ESRRG: variants seen among roughly 807,000 people sequenced by gnomAD.
ESRRG encodes the protein estrogen-related receptor gamma.
In ESRRG, 13 loss-of-function variants were observed where a neutral mutation model predicts 44.0. The ratio of observed to expected loss-of-function variants is 0.30; its 90% confidence interval spans 0.19 to 0.47. The LOEUF (loss-of-function observed/expected upper bound fraction) is 0.47, where lower values mean the gene tolerates loss of function less well. ESRRG is among the 20% of genes least tolerant of loss of function. The pLI is 1.00. For missense variants in ESRRG, 395 were observed against 580.6 expected (o/e 0.68, Z 3.29); for synonymous variants, 215 against 214.6 (o/e 1.00, Z -0.02).
chr1:216,622,543 T>C (rs2062417029), intron 3 of ESRRG, among the ~76,000 whole-genome samples: 1 of 152,038 alleles, frequency 6.6e-6, no homozygotes, highest in South Asian at 2.1e-4. Flanking sequence ...TTGTTTACTA[T>C]GATATTAAGA....
chr1:217,093,776 CCT>C (rs1280530983), upstream of ESRRG, among the ~76,000 whole-genome samples: 2 of 150,454 alleles, frequency 1.3e-5, no homozygotes, highest in Admixed American at 6.6e-5. Context: ...GAGTGAGACC[CCT>C]GTCTCAAAAA....
At chr1:216,735,987 A>AAAAAATATAT (rs1453476198) in intron 2 of ESRRG, among the ~76,000 whole-genome samples, 91 of 137,114 alleles carry the variant, frequency 6.6e-4, no homozygotes, top group African/African-American at 2.1e-3. Flanking sequence ...CTCAAAAAAA[A>AAAAAATATAT]ATATATATAT....
intron 2 of ESRRG, among the ~76,000 whole-genome samples, chr1:216,779,158 AAAAT>A (rs1378513007): frequency 1.1e-4 from 10 of 93,390 alleles, no homozygotes; most frequent in African/African-American, 3.9e-4. Flanking sequence ...ATATATATAT[AAAAT>A]AAATATATAT....
chr1:216,631,654 T>A (rs1270310715), intron 3 of ESRRG, among the ~76,000 whole-genome samples: 1 of 152,122 alleles, frequency 6.6e-6, no homozygotes, highest in Non-Finnish European at 1.5e-5. Context: ...TGTACGTATA[T>A]AAGTATATAT....
intron 2 of ESRRG, among the ~76,000 whole-genome samples, chr1:216,932,341 G>A (rs2063479758): frequency 6.6e-6 from 1 of 151,988 alleles, no homozygotes; most frequent in South Asian, 2.1e-4. Context: ...AAAAAAAATT[G>A]GCAAGGCAGT....
At chr1:216,703,255 T>C (rs1375685599) in intron 1 of ESRRG, among the ~76,000 whole-genome samples, 2 of 152,108 alleles carry the variant, frequency 1.3e-5, no homozygotes, top group South Asian at 2.1e-4. Flanking sequence ...AAAAGAATTG[T>C]CTTGGGCCAC....
chr1:216,834,505 A>C (rs2095533911), intron 2 of ESRRG, among the ~76,000 whole-genome samples: 1 of 152,214 alleles, frequency 6.6e-6, no homozygotes. Context: ...TTTTTAAAAG[A>C]TGACTTAGGT....
upstream of ESRRG, among the ~76,000 whole-genome samples, chr1:216,724,688 A>T (rs2087122614): frequency 4.6e-5 from 7 of 152,196 alleles, no homozygotes; most frequent in Admixed American, 4.6e-4. Context: ...AAATAAAAAT[A>T]AAAGGAGGAT....
At chr1:216,591,621 GT>G (rs1023055196) in intron 3 of ESRRG, among the ~76,000 whole-genome samples, 1 of 152,164 alleles carries the variant, frequency 6.6e-6, no homozygotes, top group African/African-American at 2.4e-5. Flanking sequence ...TGACACTGAG[GT>G]TGTGGCATGG....
At chr1:216,568,859 A>G (rs2149609983) in intron 3 of ESRRG, among the ~76,000 whole-genome samples, 1 of 152,196 alleles carries the variant, frequency 6.6e-6, no homozygotes, top group Non-Finnish European at 1.5e-5. Context: ...GTTTGAGACC[A>G]GACCAACCAA....
At chr1:217,082,042 C>G (rs186472879) in intron 1 of ESRRG, among the ~76,000 whole-genome samples, 1 of 152,206 alleles carries the variant, frequency 6.6e-6, no homozygotes, top group South Asian at 2.1e-4. Context: ...GCACTGCATA[C>G]GTGAGAATTG....
At chr1:216,552,518 C>G (rs1184250822) in intron 5 of ESRRG, among the ~76,000 whole-genome samples, 2 of 152,120 alleles carry the variant, frequency 1.3e-5, no homozygotes, top group East Asian at 1.9e-4. Flanking sequence ...AAAGATTAGA[C>G]TGGGCACTTG....
At chr1:217,020,539 A>G (rs2080128076) in intron 1 of ESRRG, among the ~76,000 whole-genome samples, 1 of 152,210 alleles carries the variant, frequency 6.6e-6, no homozygotes, top group African/African-American at 2.4e-5. Context: ...GAAATGGAGA[A>G]ATGACCAGTA....
chr1:216,832,743 C>A (rs1178715899), intron 2 of ESRRG, among the ~76,000 whole-genome samples: 1 of 152,144 alleles, frequency 6.6e-6, no homozygotes, highest in Admixed American at 6.5e-5. Context: ...GCAGGTGGAT[C>A]ACCTGGGGTC....
intron 2 of ESRRG, among the ~76,000 whole-genome samples, chr1:216,834,404 T>C (rs912127346): frequency 1.3e-5 from 2 of 151,998 alleles, no homozygotes; most frequent in Non-Finnish European, 2.9e-5. Context: ...CTGTCTCTAA[T>C]AAAATAAAAT....
chr1:217,109,378 C>T (rs2092635607), intron 1 of ESRRG, among the ~76,000 whole-genome samples: 1 of 152,090 alleles, frequency 6.6e-6, no homozygotes, highest in Admixed American at 6.6e-5. Context: ...ACAACACCCA[C>T]AGACCCAGAT....
At chr1:217,088,392 T>C (rs1370690262) in intron 1 of ESRRG, among the ~76,000 whole-genome samples, 1 of 143,766 alleles carries the variant, frequency 7.0e-6, no homozygotes, top group Admixed American at 7.6e-5. Context: ...TTTCTTTTTT[T>C]CCTGTCTTTT....
intron 2 of ESRRG, among the ~76,000 whole-genome samples, chr1:216,927,760 A>T (rs1195795074): frequency 6.6e-6 from 1 of 152,120 alleles, no homozygotes; most frequent in Non-Finnish European, 1.5e-5. Context: ...GCACCGCGGG[A>T]CGGGGCTCCC....
At chr1:216,800,238 T>C (rs1342739021) in intron 2 of ESRRG, among the ~76,000 whole-genome samples, 1 of 152,108 alleles carries the variant, frequency 6.6e-6, no homozygotes, top group Non-Finnish European at 1.5e-5. Flanking sequence ...ACATTGATGA[T>C]ATGAATTCTA....
Sources: allele counts gnomAD v4.1 joint callset (sites outside exome capture counted in the v4.1 genomes callset), GRCh38; gene constraint gnomAD v4.1.1; transcripts MANE v1.5; gene names NCBI Gene and HGNC (gene_info 2026-07-23, HGNC 2026-07-21).